Variants in YIPF7 observed in about 807,000 individuals in gnomAD.
YIPF7 encodes the protein Yip1 domain family member 7.
A neutral mutation model predicts 27.2 loss-of-function variants in YIPF7; 35 were observed. The observed-to-expected ratio is 1.29, with a 90% CI of 0.98 to 1.70. The LOEUF is 1.70. Ranked by LOEUF, YIPF7 falls within the 40% of genes most tolerant of loss-of-function variation. The pLI, the probability that YIPF7 is intolerant of heterozygous loss-of-function variation, is 0.00. For synonymous variants in YIPF7, 137 were observed against 110.4 expected (o/e 1.24, Z -1.51); for missense variants, 358 against 303.7 (o/e 1.18, Z -1.33).
chr4:44,654,095 G>C (rs1200952813), upstream of YIPF7, among the ~76,000 whole-genome samples: 1 of 151,994 alleles, frequency 6.6e-6, no homozygotes, highest in Admixed American at 6.6e-5. Context: ...AATGACTTCA[G>C]CCTCTTTAGA....
chr4:44,655,952 G>A (rs987436528), upstream of YIPF7, among the ~76,000 whole-genome samples: 2 of 151,930 alleles, frequency 1.3e-5, no homozygotes, highest in Non-Finnish European at 2.9e-5. Flanking sequence ...AAAATTAAAG[G>A]ATTTTGCTTC....
In YIPF7 at chr4:44,649,995, C is replaced by A; in HGVS notation, c.106G>T (p.Gly36Ter). The change falls in exon 2 of 6, where the codon GGA becomes TGA. Residue 36 changes from glycine to a stop codon, truncating the protein, a stop_gained. Transcript: ENST00000415895. LOFTEE classifies it high-confidence loss of function. ...NDSNAYGNLY[G>*]SRKQQAGEQP... is the part of the protein sequence containing the mutation. ...ATATTAAGTACTTACTTTCTAGATCCATAAAGATTTCCATAGGCATTAGAG... is the reference window on the plus strand; with the variant it reads ...ATATTAAGTACTTACTTTCTAGATCAATAAAGATTTCCATAGGCATTAGAG... 1 of 1,526,434 alleles carries A rather than the reference C, an allele frequency of 6.6e-7. No individual in the cohort carries two copies. Among genetic ancestry groups the A allele is most frequent in the Non-Finnish European group, 8.9e-7 (1 of 1,123,202 alleles). The allele number at this position is 1,526,434 out of a possible 1,614,324, so 94.6% of individuals were successfully genotyped here.
intron 3 of YIPF7, among the ~76,000 whole-genome samples, chr4:44,633,424 A>T (rs1347908929): frequency 6.6e-6 from 1 of 151,726 alleles, no homozygotes; most frequent in African/African-American, 2.4e-5. Context: ...TGCAGGAAAA[A>T]AATTAGTTAA....
At chr4:44,648,544 C>T (rs1979662) in intron 2 of YIPF7, among the ~76,000 whole-genome samples, 94,663 of 151,912 alleles carry the variant, frequency 0.62, 30,256 homozygotes, top group Non-Finnish European at 0.7. Flanking sequence ...GTATAGTTAT[C>T]ATGAAAGTTG....
chr4:44,628,481 A>G (rs1288864437), intron 4 of YIPF7, among the ~76,000 whole-genome samples: 1 of 152,158 alleles, frequency 6.6e-6, no homozygotes, highest in Non-Finnish European at 1.5e-5. Flanking sequence ...TAGTTATTGT[A>G]AGAGCTTTTC....
intron 2 of YIPF7, among the ~76,000 whole-genome samples, chr4:44,647,655 G>T (rs1713575033): frequency 6.6e-6 from 1 of 152,078 alleles, no homozygotes; most frequent in Non-Finnish European, 1.5e-5. Context: ...GATAGCATAG[G>T]AGTGTGAATT....
Position 44,635,966 on chromosome 4 carries a change from G to A in YIPF7, c.236C>T (p.Ser79Phe). The change falls in exon 3 of 6, where the codon TCT becomes TTT. Residue 79 changes from serine (S) to phenylalanine (F), a missense_variant. By Grantham distance (155) the Ser-to-Phe change is radical (BLOSUM62 -2). Transcript: ENST00000415895. ...TTCATCAAAACTGTCAATGTAAGGA[G>A]ATTGTGAATAATAATCTGAGTTGGA... ...PASNSDYYSQ[S>F]PYIDSFDEEP... 2 of 1,613,896 alleles carry A rather than the reference G, an allele frequency of 1.2e-6. No individual in the cohort carries two copies. Among genetic ancestry groups the A allele is most frequent in the Non-Finnish European group, 1.7e-6 (2 of 1,179,842 alleles).
At position 44,622,633 on chromosome 4, in the gene YIPF7, T is replaced by A. The variant is rs1297997307; in HGVS notation, c.609-57A>T. The A allele has an allele frequency of 3.2e-6, 5 of 1,578,618 alleles. No individual in the cohort carries two copies. The East Asian group carries it at 1.1e-4, about 35-fold the overall frequency. On this transcript the variant is annotated intron_variant, in intron 5 of 5. Coordinates refer to ENST00000415895, the MANE Select transcript of YIPF7 (RefSeq NM_182592.3). ...GCCAGTAGAAAAGAGATTATTGAGT[T>A]AAAGTTGCCTCTGAAATATCCTTGG...
intron 1 of YIPF7, among the ~76,000 whole-genome samples, chr4:44,650,864 G>A (rs1577744432): frequency 6.6e-6 from 1 of 151,790 alleles, no homozygotes; most frequent in African/African-American, 2.4e-5. Flanking sequence ...CTGAGAGAAG[G>A]AAGAGGTATG....
At chr4:44,630,797 C>T (rs1258348049) in intron 3 of YIPF7, among the ~76,000 whole-genome samples, 3 of 152,078 alleles carry the variant, frequency 2.0e-5, no homozygotes, top group East Asian at 1.9e-4. Flanking sequence ...AAATAAATAT[C>T]GATACCAGAT....
intron 2 of YIPF7, among the ~76,000 whole-genome samples, chr4:44,658,527 G>C (rs1268923343): frequency 6.6e-6 from 1 of 152,176 alleles, no homozygotes; most frequent in Non-Finnish European, 1.5e-5. Flanking sequence ...TAAGATCAGA[G>C]AAAAGCATCC....
chr4:44,650,507 G>GCGCGCGCACACA (rs6148421), intron 1 of YIPF7, among the ~76,000 whole-genome samples: 2 of 137,184 alleles, frequency 1.5e-5, no homozygotes, highest in East Asian at 2.3e-4. Context: ...GCGCGCGCGC[G>GCGCGCGCACACA]CACACACACA....
At chr4:44,659,356 C>CTAATATGTAATATTACTTATT (rs1713982920) in intron 2 of YIPF7, among the ~76,000 whole-genome samples, 1 of 151,856 alleles carries the variant, frequency 6.6e-6, no homozygotes. Flanking sequence ...GTTTAGGAAG[C>CTAATATGTAATATTACTTATT]ACTGTAAAAA....
chr4:44,661,570 C>T (rs980733573), intron 1 of YIPF7, among the ~76,000 whole-genome samples: 1 of 104,362 alleles, frequency 9.6e-6, no homozygotes, highest in African/African-American at 2.9e-5. Flanking sequence ...CTACAGGTTC[C>T]ATTTGTTGCA....
chr4:44,641,609 C>G (rs968420193), intron 2 of YIPF7, among the ~76,000 whole-genome samples: 1 of 152,178 alleles, frequency 6.6e-6, no homozygotes, highest in South Asian at 2.1e-4. Context: ...TACAAAATGG[C>G]CTTTAGTACT....
intron 4 of YIPF7, 138 bp downstream of exon 4, chr4:44,629,265 A>T: frequency 9.0e-7 from 1 of 1,106,776 alleles, no homozygotes; most frequent in Non-Finnish European, 1.2e-6. Flanking sequence ...TTTTGTCACT[A>T]TGGTTAAATT....
At chr4:44,630,546 T>C (rs973373976) in intron 3 of YIPF7, among the ~76,000 whole-genome samples, 3 of 152,232 alleles carry the variant, frequency 2.0e-5, no homozygotes, top group African/African-American at 7.2e-5. Flanking sequence ...ATTCAAAGAT[T>C]AAATTCTTGA....
intron 2 of YIPF7, among the ~76,000 whole-genome samples, chr4:44,644,012 T>G (rs183266512): frequency 6.6e-6 from 1 of 152,214 alleles, no homozygotes; most frequent in Admixed American, 6.5e-5. Flanking sequence ...TCCCTCACAG[T>G]GCAGCTGTGA....
chr4:44,646,704 G>T (rs962562681), intron 2 of YIPF7, among the ~76,000 whole-genome samples: 2 of 152,122 alleles, frequency 1.3e-5, no homozygotes, highest in East Asian at 3.9e-4. Context: ...TATCTTCACC[G>T]TCTTAGTGAG....
Sources: allele counts gnomAD v4.1 joint callset (sites outside exome capture counted in the v4.1 genomes callset), GRCh38; gene constraint gnomAD v4.1.1; transcripts MANE v1.5; gene names NCBI Gene and HGNC (gene_info 2026-07-23, HGNC 2026-07-21).